The following PPP1R9A variants were observed in gnomAD, a reference collection of about 807,000 sequenced individuals.
PPP1R9A encodes neurabin-1.
Under a neutral mutation model 141.9 loss-of-function variants are expected in PPP1R9A, and 59 were observed. That is an observed-to-expected ratio of 0.42 (90% CI 0.34 to 0.52). The LOEUF (loss-of-function observed/expected upper bound fraction) is 0.52, where lower values mean the gene tolerates loss of function less well. Ranked by LOEUF, PPP1R9A falls within the 20% of genes least tolerant of loss-of-function variation. The pLI, the probability that PPP1R9A is intolerant of heterozygous loss-of-function variation, is 0.10. For missense variants in PPP1R9A, 1,444 were observed against 1,611.9 expected, an observed-to-expected ratio of 0.90 and a Z score of 1.78; for synonymous variants, 500 against 569.7, an observed-to-expected ratio of 0.88 and a Z score of 1.74.
intron 7 of PPP1R9A, among the ~76,000 whole-genome samples, chr7:95,204,578 T>G (rs551589402): frequency 6.6e-6 from 1 of 151,716 alleles, no homozygotes; most frequent in South Asian, 2.1e-4. Context: ...GCCTAAGTAG[T>G]GTATACACAT....
chr7:95,168,961 G>A (rs1356593877), intron 5 of PPP1R9A, among the ~76,000 whole-genome samples: 1 of 151,904 alleles, frequency 6.6e-6, no homozygotes, highest in Non-Finnish European at 1.5e-5. Flanking sequence ...ACAGTCATTA[G>A]GGAAAACAGT....
chr7:95,012,244 C>T (rs1804527362), intron 2 of PPP1R9A, among the ~76,000 whole-genome samples: 1 of 152,008 alleles, frequency 6.6e-6, no homozygotes, highest in African/African-American at 2.4e-5. Flanking sequence ...AGGAAACTTA[C>T]TGAGGTCATG....
Position 95,072,672 on chromosome 7 carries a change from T to A in PPP1R9A, c.1396-38587T>A, listed in dbSNP as rs568441296. Among the ~76,000 whole-genome samples, 146 of 121,660 alleles carry A rather than the reference T, an allele frequency of 1.2e-3. No individual in the cohort carries two copies. The East Asian group carries it at 0.019, about 16-fold the overall frequency. 79.8% of individuals were successfully genotyped at this position (121,660 alleles called of 152,430 possible). A position where few individuals can be genotyped will look rare whatever the true frequency, so the allele number is the denominator to read the frequency against. On this transcript the variant is annotated intron_variant, in intron 2 of 19. Transcript: ENST00000433360. ...ATATTATAAAATATATATTATATAT[T>A]ATATTACATATTATATATTATGTAA...
intron 2 of PPP1R9A, among the ~76,000 whole-genome samples, chr7:94,936,529 G>T (rs1405255985): frequency 6.6e-6 from 1 of 151,996 alleles, no homozygotes; most frequent in Non-Finnish European, 1.5e-5. Context: ...TTGTAAACAG[G>T]AAAACCTGAG....
chr7:95,072,984 A>G (rs1814212416), intron 2 of PPP1R9A, among the ~76,000 whole-genome samples: 1 of 132,712 alleles, frequency 7.5e-6, no homozygotes, highest in Non-Finnish European at 1.5e-5. Flanking sequence ...TAATAATAAT[A>G]TTATTATTAT....
intron 2 of PPP1R9A, 89 bp from the exon 3 acceptor site, chr7:95,111,170 C>T: frequency 7.7e-7 from 1 of 1,302,730 alleles, no homozygotes. Context: ...AGAAATTCAT[C>T]ACATGAATGT....
At chr7:95,008,995 T>G (rs1014432468) in intron 2 of PPP1R9A, among the ~76,000 whole-genome samples, 1 of 152,166 alleles carries the variant, frequency 6.6e-6, no homozygotes, top group Non-Finnish European at 1.5e-5. Context: ...GTTCATGTCC[T>G]TTGTAGGGAC....
At chr7:95,129,060 C>T (rs1354786933) in intron 4 of PPP1R9A, among the ~76,000 whole-genome samples, 1 of 152,174 alleles carries the variant, frequency 6.6e-6, no homozygotes, top group African/African-American at 2.4e-5. Flanking sequence ...TTGCATTCTT[C>T]TGAGCATGAC....
intron 2 of PPP1R9A, among the ~76,000 whole-genome samples, chr7:95,092,692 CTGAAGA>C (rs1206992001): frequency 6.6e-6 from 1 of 152,178 alleles, no homozygotes; most frequent in African/African-American, 2.4e-5. Flanking sequence ...TAGTCCTGTG[CTGAAGA>C]TGGCAGATTT....
chr7:95,007,165 A>G (rs1019908090), intron 2 of PPP1R9A, among the ~76,000 whole-genome samples: 2 of 152,134 alleles, frequency 1.3e-5, no homozygotes, highest in African/African-American at 4.8e-5. Flanking sequence ...CCCGGCCATA[A>G]TAAATTTTTG....
At chr7:95,224,843 G>A (rs762390649) in intron 7 of PPP1R9A, among the ~76,000 whole-genome samples, 1 of 152,082 alleles carries the variant, frequency 6.6e-6, no homozygotes, top group Non-Finnish European at 1.5e-5. Context: ...ACCGTTCATG[G>A]AAGTTTTTTA....
At chr7:95,099,437 A>G (rs777202029) in intron 2 of PPP1R9A, among the ~76,000 whole-genome samples, 25 of 152,212 alleles carry the variant, frequency 1.6e-4, no homozygotes, top group Admixed American at 5.9e-4. Context: ...GAACATTGCT[A>G]ATTTCTCATG....
At chr7:94,946,020 G>C (rs968441864) in intron 2 of PPP1R9A, among the ~76,000 whole-genome samples, 4 of 152,030 alleles carry the variant, frequency 2.6e-5, no homozygotes, top group African/African-American at 9.7e-5. Flanking sequence ...GCTTTGATTA[G>C]AAAGATTTGA....
At chr7:95,178,402 C>T (rs1014811856) in intron 5 of PPP1R9A, among the ~76,000 whole-genome samples, 2 of 152,018 alleles carry the variant, frequency 1.3e-5, no homozygotes, top group Admixed American at 1.3e-4. Context: ...GAGGAAAGTT[C>T]ATGGCCCTAA....
intron 7 of PPP1R9A, among the ~76,000 whole-genome samples, chr7:95,224,147 G>C (rs1421032093): frequency 6.6e-6 from 1 of 152,030 alleles, no homozygotes; most frequent in Non-Finnish European, 1.5e-5. Context: ...CACTTGAATT[G>C]GTATTTATAG....
At chr7:95,193,397 A>C (rs1835797664) in intron 5 of PPP1R9A, among the ~76,000 whole-genome samples, 1 of 152,076 alleles carries the variant, frequency 6.6e-6, no homozygotes, top group South Asian at 2.1e-4. Context: ...TTGAATACAA[A>C]GCAATATTGG....
Position 94,993,319 on chromosome 7 carries a change from C to T in PPP1R9A, c.1395+81811C>T, listed in dbSNP as rs187067448. 2.1e-3 allele frequency among the ~76,000 whole-genome samples: 327 copies of T among 152,118 alleles called. 4 individuals carry two copies. The highest frequency in any genetic ancestry group is 7.4e-3 in the African/African-American group (307 of 41,528). ...TCTGTTATGGTAGCTTAATAATAAT[C>T]CTTAAAAGCAGGAACAGTTAGCCTT... On this transcript the variant is annotated intron_variant, in intron 2 of 19. Coordinates refer to ENST00000433360, the MANE Select transcript of PPP1R9A (RefSeq NM_001166160.2).
intron 12 of PPP1R9A, among the ~76,000 whole-genome samples, chr7:95,259,686 C>A (rs1800136916): frequency 6.6e-6 from 1 of 151,940 alleles, no homozygotes; most frequent in African/African-American, 2.4e-5. Flanking sequence ...AGCATAGGAA[C>A]CTAGAATTTT....
At chr7:94,981,816 T>A (rs971751142) in intron 2 of PPP1R9A, among the ~76,000 whole-genome samples, 2 of 152,106 alleles carry the variant, frequency 1.3e-5, no homozygotes, top group East Asian at 1.9e-4. Context: ...TTTCTTTTTT[T>A]AATTTAATTT....
Sources: allele counts gnomAD v4.1 joint callset (sites outside exome capture counted in the v4.1 genomes callset), GRCh38; gene constraint gnomAD v4.1.1; transcripts MANE v1.5; gene names NCBI Gene and HGNC (gene_info 2026-07-23, HGNC 2026-07-21).